Variants in CDH13 observed in about 807,000 individuals in gnomAD.
The protein encoded by CDH13 is cadherin 13.
A neutral mutation model predicts 63.8 loss-of-function variants in CDH13; 24 were observed. The ratio of observed to expected loss-of-function variants is 0.38; its 90% CI spans 0.27 to 0.53. The LOEUF is 0.53. Ranked by LOEUF, CDH13 falls within the 20% of genes least tolerant of loss-of-function variation. CDH13 has a pLI of 0.85. For missense variants in CDH13, 1,049 were observed against 903.1 expected (o/e 1.16, Z -2.07); for synonymous variants, 503 against 355.3 (o/e 1.42, Z -4.67).
intron 1 of CDH13, among the ~76,000 whole-genome samples, chr16:82,790,166 G>T (rs1017498818): frequency 2.0e-5 from 3 of 152,146 alleles, no homozygotes; most frequent in Non-Finnish European, 1.5e-5. Context: ...GCCAGGCGCG[G>T]TATCTCATAC....
rs117686563 is a variant in CDH13, at chr16:83,020,083, C to G, written c.158-11927C>G. Among the ~76,000 whole-genome samples the G allele has an allele frequency of 1.3e-4, 20 of 152,278 alleles. No homozygotes were observed. In the East Asian group the frequency reaches 3.9e-3, roughly 29 times the overall value. ...AGGACTTTTTCAGCTCCGTTATCAT[C>G]TTACGGGATTGCTATCATATATGTG... On this transcript the variant is annotated intron_variant, in intron 2 of 13. Transcript: ENST00000567109.
chr16:83,162,081 T>C (rs1027598662), intron 4 of CDH13, among the ~76,000 whole-genome samples: 3 of 152,334 alleles, frequency 2.0e-5, no homozygotes, highest in Admixed American at 6.5e-5. Context: ...TAAAGGAAAA[T>C]AGGTTAAACA....
At chr16:83,293,748 G>A (rs765014541) in intron 5 of CDH13, among the ~76,000 whole-genome samples, 4 of 152,076 alleles carry the variant, frequency 2.6e-5, no homozygotes, top group African/African-American at 4.8e-5. Context: ...GTCATGAACC[G>A]GGTTGGAAAG....
intron 3 of CDH13, among the ~76,000 whole-genome samples, chr16:83,055,522 G>C (rs972196289): frequency 2.6e-5 from 4 of 151,708 alleles, no homozygotes; most frequent in Non-Finnish European, 5.9e-5. Flanking sequence ...GGCAAATTCT[G>C]TAAAATAAAT....
chr16:83,398,562 T>G (rs1401769507), intron 6 of CDH13, among the ~76,000 whole-genome samples: 1 of 152,222 alleles, frequency 6.6e-6, no homozygotes, highest in Non-Finnish European at 1.5e-5. Flanking sequence ...ATAAGATTCA[T>G]GCACAGGTTC....
chr16:83,427,089 G>A (rs2071933762), intron 6 of CDH13, among the ~76,000 whole-genome samples: 1 of 151,460 alleles, frequency 6.6e-6, no homozygotes, highest in Admixed American at 6.6e-5. Context: ...ACCCCGCCTG[G>A]CTAATATTTT....
At chr16:83,236,237 GCACACACACACACACA>G (rs3049880) in intron 5 of CDH13, among the ~76,000 whole-genome samples, 1 of 148,898 alleles carries the variant, frequency 6.7e-6, no homozygotes, top group Non-Finnish European at 1.5e-5. Flanking sequence ...ACACGCACAT[GCACACACACACACACA>G]CACACACACA....
At chr16:83,578,445 G>A (rs1296054833) in intron 7 of CDH13, among the ~76,000 whole-genome samples, 1 of 152,102 alleles carries the variant, frequency 6.6e-6, no homozygotes, top group East Asian at 1.9e-4. Flanking sequence ...TATGCTACAG[G>A]GAGACACAAA....
chr16:82,656,883 A>C (rs982259277), intron 1 of CDH13, among the ~76,000 whole-genome samples: 2 of 148,992 alleles, frequency 1.3e-5, no homozygotes, highest in African/African-American at 2.5e-5. Flanking sequence ...ACATGCATTG[A>C]AGTTTCCTCC....
chr16:83,034,340 T>C (rs992619779), intron 3 of CDH13, among the ~76,000 whole-genome samples: 2 of 152,144 alleles, frequency 1.3e-5, no homozygotes, highest in Non-Finnish European at 2.9e-5. Context: ...TCAGCATCTG[T>C]GAAGCTGTGA....
chr16:82,915,364 C>T (rs2041954192), intron 2 of CDH13, among the ~76,000 whole-genome samples: 1 of 152,184 alleles, frequency 6.6e-6, no homozygotes, highest in South Asian at 2.1e-4. Context: ...TATTTTTGAA[C>T]TTGACTCCAA....
intron 2 of CDH13, among the ~76,000 whole-genome samples, chr16:82,934,728 G>A (rs899858742): frequency 6.6e-6 from 1 of 152,108 alleles, no homozygotes; most frequent in African/African-American, 2.4e-5. Flanking sequence ...GATCTCTAGG[G>A]CAAGGGCAAG....
chr16:82,627,011 A>C lies in CDH13; in HGVS notation c.-82A>C. ...GCTGGCGAGGCAGAGCCTCTCCTCAAAGCCTGGCTCCCACGGAAAATATGC... is the reference window on the plus strand; with the variant it reads ...GCTGGCGAGGCAGAGCCTCTCCTCACAGCCTGGCTCCCACGGAAAATATGC... On this transcript the variant is annotated 5_prime_UTR_variant, in exon 1 of 14. Coordinates refer to ENST00000567109, the MANE Select transcript of CDH13 (RefSeq NM_001257.5). The C allele has an allele frequency of 6.6e-7, 1 of 1,512,516 alleles. No homozygotes were observed. The highest frequency in any genetic ancestry group is 9.0e-7 in the Non-Finnish European group (1 of 1,111,094). 93.7% of individuals were successfully genotyped at this position (1,512,516 alleles called of 1,614,324 possible).
At chr16:83,375,595 T>C (rs905049179) in intron 6 of CDH13, among the ~76,000 whole-genome samples, 7 of 152,180 alleles carry the variant, frequency 4.6e-5, no homozygotes, top group Admixed American at 4.6e-4. Context: ...TAGCAAACTG[T>C]GTTAAGTCCT....
At chr16:83,115,977 G>A (rs747970896) in intron 3 of CDH13, among the ~76,000 whole-genome samples, 23 of 152,168 alleles carry the variant, frequency 1.5e-4, no homozygotes, top group African/African-American at 9.7e-5. Flanking sequence ...GTCAAGCTGC[G>A]TCTGGCCTTG....
chr16:83,767,594 A>T (rs1324977331), intron 11 of CDH13, among the ~76,000 whole-genome samples: 1 of 152,118 alleles, frequency 6.6e-6, no homozygotes, highest in East Asian at 1.9e-4. Flanking sequence ...AGTGGAAACA[A>T]CTCCAATGTC....
Position 83,171,696 on chromosome 16 carries a change from C to G in CDH13, c.484-45649C>G, listed in dbSNP as rs1026826177. 4.0e-6 allele frequency: 3 copies of G among 747,378 alleles called. No individual in the cohort carries two copies. In the African/African-American group the frequency reaches 5.2e-5, roughly 13 times the overall value. 46.3% of individuals were successfully genotyped at this position (747,378 alleles called of 1,614,324 possible). A position where few individuals can be genotyped will look rare whatever the true frequency, so the allele number is the denominator to read the frequency against. ...ATAGCATGCTCTTTGGCAGGCACGC[C>G]TCTCCCATTTCCCCAGAACCTCTTC... On this transcript the variant is annotated intron_variant, in intron 4 of 13. Coordinates refer to ENST00000567109, the MANE Select transcript of CDH13 (RefSeq NM_001257.5).
chr16:82,775,870 G>T (rs1377918714), intron 1 of CDH13, among the ~76,000 whole-genome samples: 1 of 152,076 alleles, frequency 6.6e-6, no homozygotes, highest in Non-Finnish European at 1.5e-5. Flanking sequence ...CATACTGATG[G>T]CTCTTTTTTT....
At chr16:82,882,417 A>G (rs1258309916) in intron 2 of CDH13, among the ~76,000 whole-genome samples, 1 of 152,196 alleles carries the variant, frequency 6.6e-6, no homozygotes, top group East Asian at 1.9e-4. Context: ...CTCCGCTGCC[A>G]ATGACCACCA....
Sources: gnomAD v4.1 joint callset for allele counts (sites outside exome capture counted in the v4.1 genomes callset) on GRCh38, gnomAD v4.1.1 for gene constraint, MANE v1.5 for transcripts, NCBI Gene and HGNC (gene_info 2026-07-23, HGNC 2026-07-21) for gene names.